The following NKAIN2 variants were observed in gnomAD, a reference collection of about 807,000 sequenced individuals.
The protein encoded by NKAIN2 is sodium/potassium transporting ATPase interacting 2.
In NKAIN2, 14 loss-of-function variants were observed where a neutral mutation model predicts 32.6. That is an observed-to-expected ratio of 0.43 (90% CI 0.28 to 0.67). The LOEUF is 0.67. Ranked by LOEUF, NKAIN2 falls within the 30% of genes least tolerant of loss-of-function variation. NKAIN2 has a pLI of 0.17. For missense variants in NKAIN2, 198 were observed against 258.3 expected, an observed-to-expected ratio of 0.77 and a Z score of 1.60; for synonymous variants, 80 against 87.2, an observed-to-expected ratio of 0.92 and a Z score of 0.46.
chr6:124,460,969 T>A (rs1170485568), intron 3 of NKAIN2, among the ~76,000 whole-genome samples: 1 of 151,812 alleles, frequency 6.6e-6, no homozygotes, highest in Non-Finnish European at 1.5e-5. Context: ...GAACTTTTCT[T>A]TCTCAGTAAT....
At chr6:124,086,036 A>C (rs1056482901) in intron 1 of NKAIN2, among the ~76,000 whole-genome samples, 10 of 152,012 alleles carry the variant, frequency 6.6e-5, no homozygotes, top group Middle Eastern at 3.2e-3. Flanking sequence ...CATATAAAAG[A>C]AGGATTTGCA....
At chr6:124,795,456 T>C (rs894161984) in intron 5 of NKAIN2, among the ~76,000 whole-genome samples, 3 of 152,154 alleles carry the variant, frequency 2.0e-5, no homozygotes, top group African/African-American at 4.8e-5. Flanking sequence ...AACAGAGAGT[T>C]AGGCTCATGA....
intron 1 of NKAIN2, among the ~76,000 whole-genome samples, chr6:123,968,357 T>C (rs974275380): frequency 1.3e-5 from 2 of 152,154 alleles, no homozygotes; most frequent in Non-Finnish European, 2.9e-5. Context: ...GATGATTCCA[T>C]CTTGGGGCTG....
intron 3 of NKAIN2, among the ~76,000 whole-genome samples, chr6:124,359,907 T>G (rs1377419410): frequency 2.0e-5 from 3 of 151,892 alleles, no homozygotes; most frequent in African/African-American, 7.3e-5. Context: ...TTGGCTGTGG[T>G]TTTGTCATAG....
At position 124,724,169 on chromosome 6, in the gene NKAIN2, C is replaced by G. The variant is rs140400439; in HGVS notation, c.474+65783C>G. On this transcript the variant is annotated intron_variant, in intron 4 of 6. Transcript: ENST00000368417. ...GTTTATATCATTCCAGCTAAACTGT[C>G]TGCCATTCTAGAGAGGTTTAAATAC... Among the ~76,000 whole-genome samples the G allele has an allele frequency of 3.7e-4, 57 of 152,204 alleles. No individual in the cohort carries two copies. The East Asian group carries it at 9.7e-3, about 26-fold the overall frequency.
rs867862233 is a variant in NKAIN2, at chr6:123,911,799, A to G, written c.54+107545A>G. 8.5e-3 allele frequency among the ~76,000 whole-genome samples: 841 copies of G among 99,234 alleles called. 64 individuals carry two copies. The highest frequency in any genetic ancestry group is 0.039 in the African/African-American group (801 of 20,796). The allele number at this position is 99,234 out of a possible 152,430, so 65.1% of individuals were successfully genotyped here. A position where few individuals can be genotyped will look rare whatever the true frequency, so the allele number is the denominator to read the frequency against. On this transcript the variant is annotated intron_variant, in intron 1 of 6. Transcript: ENST00000368417. The stretch of plus-strand genomic sequence containing the variant: ...CATACATACATATATATATATATAT[A>G]TGTATATATATATACACACACACAC...
At chr6:124,525,060 A>G (rs1779260915) in intron 3 of NKAIN2, among the ~76,000 whole-genome samples, 2 of 152,176 alleles carry the variant, frequency 1.3e-5, no homozygotes, top group African/African-American at 2.4e-5. Flanking sequence ...GAAAAAAGCC[A>G]AGCTTCTTTT....
At chr6:123,891,875 T>G (rs1335615007) in intron 1 of NKAIN2, among the ~76,000 whole-genome samples, 1 of 152,136 alleles carries the variant, frequency 6.6e-6, no homozygotes, top group Non-Finnish European at 1.5e-5. Context: ...ATAGCCTTAT[T>G]ATTGGTTGTC....
At chr6:124,435,372 G>C (rs1775396905) in intron 3 of NKAIN2, among the ~76,000 whole-genome samples, 1 of 152,088 alleles carries the variant, frequency 6.6e-6, no homozygotes, top group Non-Finnish European at 1.5e-5. Flanking sequence ...TAAAAAACAA[G>C]AAAGGAAAAT....
At chr6:124,166,767 A>C (rs557926839) in intron 1 of NKAIN2, among the ~76,000 whole-genome samples, 6 of 150,622 alleles carry the variant, frequency 4.0e-5, no homozygotes, top group Admixed American at 4.0e-4. Flanking sequence ...CCATTTATTA[A>C]ATAGGGAATC....
chr6:124,710,136 C>T (rs533508106), intron 4 of NKAIN2, among the ~76,000 whole-genome samples: 64 of 151,186 alleles, frequency 4.2e-4, no homozygotes, highest in African/African-American at 1.3e-3. Context: ...TGTAGTTGAG[C>T]GGTTTTGAGT....
intron 1 of NKAIN2, among the ~76,000 whole-genome samples, chr6:123,960,746 T>C (rs1000742224): frequency 1.3e-5 from 2 of 151,722 alleles, no homozygotes; most frequent in African/African-American, 4.8e-5. Context: ...GGGTCTATAT[T>C]AGGTGTAGAC....
chr6:124,174,001 T>G (rs965534504), intron 1 of NKAIN2, among the ~76,000 whole-genome samples: 1 of 152,118 alleles, frequency 6.6e-6, no homozygotes, highest in Non-Finnish European at 1.5e-5. Context: ...CAATAGGGAT[T>G]TTGTTTATCT....
At chr6:124,709,718 ATTC>A (rs1221351998) in intron 4 of NKAIN2, among the ~76,000 whole-genome samples, 1 of 150,752 alleles carries the variant, frequency 6.6e-6, no homozygotes, top group African/African-American at 2.4e-5. Flanking sequence ...CGTCTATTTG[ATTC>A]TTCTCTTTTT....
chr6:124,344,559 G>A (rs1798305416), intron 2 of NKAIN2, among the ~76,000 whole-genome samples: 1 of 151,600 alleles, frequency 6.6e-6, no homozygotes, highest in Admixed American at 6.6e-5. Flanking sequence ...TCCCTTGTAA[G>A]TTGGATTCCT....
chr6:124,266,848 A>G (rs1794515099), intron 1 of NKAIN2, among the ~76,000 whole-genome samples: 1 of 152,186 alleles, frequency 6.6e-6, no homozygotes, highest in African/African-American at 2.4e-5. Context: ...AGATATATAG[A>G]TGCACATACA....
At chr6:124,368,542 GT>G (rs1799618898) in intron 3 of NKAIN2, among the ~76,000 whole-genome samples, 1 of 152,084 alleles carries the variant, frequency 6.6e-6, no homozygotes, top group African/African-American at 2.4e-5. Context: ...AAACAGAAGA[GT>G]CCCCCTGAGC....
At chr6:124,075,355 T>G (rs957359631) in intron 1 of NKAIN2, among the ~76,000 whole-genome samples, 3 of 152,190 alleles carry the variant, frequency 2.0e-5, no homozygotes, top group Non-Finnish European at 4.4e-5. Context: ...AATATTATTT[T>G]TCAAGTCTGT....
chr6:124,302,166 C>T lies in NKAIN2; in HGVS notation c.192+19024C>T, dbSNP rs569905508. On this transcript the variant is annotated intron_variant, in intron 2 of 6. Transcript: ENST00000368417. ...TAATGGGAGTTCCCCTGCACAAGCT[C>T]TCTTGCCTGCTGTCATGTAAGAGGT... is the stretch of plus-strand genomic sequence containing the variant. Among the ~76,000 whole-genome samples the T allele has an allele frequency of 2.6e-5, 4 of 152,350 alleles. No homozygotes were observed. The South Asian group carries it at 8.3e-4, about 32-fold the overall frequency.
Sources: allele counts gnomAD v4.1 joint callset (sites outside exome capture counted in the v4.1 genomes callset), GRCh38; gene constraint gnomAD v4.1.1; transcripts MANE v1.5; gene names NCBI Gene and HGNC (gene_info 2026-07-23, HGNC 2026-07-21).